The following RABGAP1L variants were observed in gnomAD, a reference collection of about 807,000 sequenced individuals.
The protein encoded by RABGAP1L is RAB GTPase activating protein 1 like, also known as rab GTPase-activating protein 1-like.
Under a neutral mutation model 137.7 loss-of-function variants are expected in RABGAP1L, and 63 were observed. That is an observed-to-expected ratio of 0.46 (90% CI 0.37 to 0.56). The LOEUF is 0.56. Among genes scored for constraint, RABGAP1L ranks in the 20% least tolerant of loss-of-function variants. The pLI is 0.00. For missense variants in RABGAP1L, 1,095 were observed against 1,244.0 expected, an observed-to-expected ratio of 0.88 and a Z score of 1.80; for synonymous variants, 431 against 433.7, an observed-to-expected ratio of 0.99 and a Z score of 0.08.
intron 20 of RABGAP1L, among the ~76,000 whole-genome samples, chr1:174,962,562 A>C (rs72717672): frequency 0.034 from 5,218 of 152,308 alleles, 113 homozygotes; most frequent in Non-Finnish European, 0.048. Context: ...TTAAGCTATT[A>C]TGCATAGTAA....
rs1326906371 is a variant in RABGAP1L, at chr1:174,832,542, T to A, written c.2340+20582T>A. On this transcript the variant is annotated intron_variant, in intron 19 of 25. Coordinates refer to ENST00000681986, the MANE Select transcript of RABGAP1L (RefSeq NM_001366446.1). ...CAAAGATATCCTTCCCCACAGAGAGTTGGTGATGGATCTTAGGAACTAAGT... is the reference window on the plus strand; with the variant it reads ...CAAAGATATCCTTCCCCACAGAGAGATGGTGATGGATCTTAGGAACTAAGT... Among the ~76,000 whole-genome samples, 2 of 147,088 alleles carry A rather than the reference T, an allele frequency of 1.4e-5. 1 individual carries two copies. Among genetic ancestry groups the A allele is most frequent in the East Asian group, 4.3e-4 (2 of 4,698 alleles).
At chr1:174,492,807 T>C (rs1660387132) in intron 13 of RABGAP1L, among the ~76,000 whole-genome samples, 1 of 152,144 alleles carries the variant, frequency 6.6e-6, no homozygotes, top group Admixed American at 6.5e-5. Flanking sequence ...TTAAAAATTT[T>C]GATTTAAATC....
chr1:174,265,127 G>C (rs1264624124), intron 7 of RABGAP1L, among the ~76,000 whole-genome samples: 1 of 152,030 alleles, frequency 6.6e-6, no homozygotes, highest in East Asian at 1.9e-4. Flanking sequence ...TTTTCTTTAT[G>C]CTTTTAGATG....
At chr1:174,526,609 A>G (rs187386243) in intron 13 of RABGAP1L, among the ~76,000 whole-genome samples, 43 of 152,004 alleles carry the variant, frequency 2.8e-4, no homozygotes, top group African/African-American at 8.9e-4. Context: ...TAAGTTTTCC[A>G]GTTTGTTAGT....
At chr1:174,667,236 G>T (rs1676853885) in intron 14 of RABGAP1L, among the ~76,000 whole-genome samples, 1 of 152,082 alleles carries the variant, frequency 6.6e-6, no homozygotes, top group African/African-American at 2.4e-5. Context: ...TCCTTTTGAG[G>T]ATAGGATATC....
At chr1:174,507,629 A>C (rs1661950030) in intron 13 of RABGAP1L, among the ~76,000 whole-genome samples, 1 of 152,174 alleles carries the variant, frequency 6.6e-6, no homozygotes, top group Admixed American at 6.6e-5. Flanking sequence ...AAAAAAATCA[A>C]ACCAAAGAAA....
intron 11 of RABGAP1L, among the ~76,000 whole-genome samples, chr1:174,351,455 AT>A (rs574660503): frequency 4.0e-5 from 6 of 150,002 alleles, no homozygotes; most frequent in East Asian, 2.0e-4. Flanking sequence ...CTATCCTAAG[AT>A]TTTTTTTTTC....
chr1:174,635,201 A>G (rs1012655177), intron 13 of RABGAP1L, among the ~76,000 whole-genome samples: 1 of 152,184 alleles, frequency 6.6e-6, no homozygotes, highest in African/African-American at 2.4e-5. Flanking sequence ...TAAATGCATA[A>G]TCAGTTCCTA....
At chr1:174,720,090 T>C (rs1453701957) in intron 17 of RABGAP1L, among the ~76,000 whole-genome samples, 1 of 152,136 alleles carries the variant, frequency 6.6e-6, no homozygotes, top group African/African-American at 2.4e-5. Context: ...TGCATGGTAA[T>C]GGCATAGGTG....
At chr1:174,815,443 T>A (rs1439132716) in intron 19 of RABGAP1L, among the ~76,000 whole-genome samples, 4 of 152,260 alleles carry the variant, frequency 2.6e-5, no homozygotes, top group Admixed American at 1.3e-4. Flanking sequence ...AATCAAGTTT[T>A]AAACATTTTT....
intron 18 of RABGAP1L, among the ~76,000 whole-genome samples, chr1:174,759,904 C>A (rs746093580): frequency 1.3e-5 from 2 of 152,182 alleles, no homozygotes; most frequent in Non-Finnish European, 2.9e-5. Flanking sequence ...ACCTCCCACT[C>A]GGCCCTACCT....
chr1:174,186,119 G>A (rs1428973960), intron 1 of RABGAP1L, among the ~76,000 whole-genome samples: 1 of 150,968 alleles, frequency 6.6e-6, no homozygotes, highest in African/African-American at 2.4e-5. Context: ...ACTCCAGCCT[G>A]GGCAACAAGA....
intron 13 of RABGAP1L, among the ~76,000 whole-genome samples, chr1:174,499,241 TA>T (rs1343669180): frequency 1.4e-5 from 2 of 143,204 alleles, no homozygotes; most frequent in Non-Finnish European, 3.1e-5. Flanking sequence ...AAATTTAAGT[TA>T]AAAACACTTA....
chr1:174,719,238 A>G (rs1006845735), intron 17 of RABGAP1L, among the ~76,000 whole-genome samples: 1 of 152,208 alleles, frequency 6.6e-6, no homozygotes, highest in Non-Finnish European at 1.5e-5. Context: ...TTTTTCTCCA[A>G]GAATTATTAG....
chr1:174,883,067 A>G (rs1180751854), intron 19 of RABGAP1L, among the ~76,000 whole-genome samples: 1 of 152,010 alleles, frequency 6.6e-6, no homozygotes, highest in African/African-American at 2.4e-5. Flanking sequence ...CAGGTGATCC[A>G]CCTGCCTCGG....
At chr1:174,970,929 C>CT (rs932143898) in intron 21 of RABGAP1L, among the ~76,000 whole-genome samples, 16 of 148,294 alleles carry the variant, frequency 1.1e-4, no homozygotes, top group East Asian at 3.9e-4. Flanking sequence ...TTAAAAAATA[C>CT]TTTTTTTTTT....
intron 7 of RABGAP1L, among the ~76,000 whole-genome samples, chr1:174,253,280 A>G (rs1672863695): frequency 6.6e-6 from 1 of 152,192 alleles, no homozygotes; most frequent in Non-Finnish European, 1.5e-5. Context: ...AGTAACCTTA[A>G]GATATCAGAT....
intron 13 of RABGAP1L, among the ~76,000 whole-genome samples, chr1:174,402,070 C>T (rs563656456): frequency 6.6e-6 from 1 of 152,218 alleles, no homozygotes; most frequent in Admixed American, 6.5e-5. Flanking sequence ...GACTGCCCCT[C>T]AGTAGATGCT....
In RABGAP1L at chr1:174,550,997, C is replaced by CATAT. The variant is rs1252681895; in HGVS notation, c.1711-86377_1711-86376insTATA. Among the ~76,000 whole-genome samples the CATAT allele has an allele frequency of 2.3e-3, 216 of 92,166 alleles. 5 individuals are homozygous for CATAT. Among genetic ancestry groups the CATAT allele is most frequent in the African/African-American group, 8.1e-3 (100 of 12,334 alleles). The allele number at this position is 92,166 out of a possible 152,430, so 60.5% of individuals were successfully genotyped here. On this transcript the variant is annotated intron_variant, in intron 13 of 25. Coordinates refer to ENST00000681986, the MANE Select transcript of RABGAP1L (RefSeq NM_001366446.1). ...ATGTATATATACATATATATATATA[C>CATAT]ACATATATATATATATATATATATA... is the stretch of plus-strand genomic sequence containing the variant.
Sources: gnomAD v4.1 joint callset for allele counts (sites outside exome capture counted in the v4.1 genomes callset) on GRCh38, gnomAD v4.1.1 for gene constraint, MANE v1.5 for transcripts, NCBI Gene and HGNC (gene_info 2026-07-23, HGNC 2026-07-21) for gene names.